The following DST variants were observed in gnomAD, a reference collection of about 807,000 sequenced individuals.
The protein encoded by DST is dystonin, also known as bullous pemphigoid antigen.
DST carries 253 observed loss-of-function variants against 875.2 expected under a neutral mutation model. The ratio of observed to expected loss-of-function variants is 0.29; its 90% confidence interval spans 0.26 to 0.32. The LOEUF (loss-of-function observed/expected upper bound fraction) is 0.32. Ranked by LOEUF, DST falls within the 10% of genes least tolerant of loss-of-function variation. The pLI is 1.00. For missense variants in DST, 8,287 were observed against 9,111.6 expected (o/e 0.91, Z 3.68); for synonymous variants, 3,124 against 3,197.1 (o/e 0.98, Z 0.77).
chr6:56,657,630 T>C (rs192435653), intron 10 of DST, among the ~76,000 whole-genome samples: 1 of 152,304 alleles, frequency 6.6e-6, no homozygotes, highest in Non-Finnish European at 1.5e-5. Context: ...TCAGTTACAC[T>C]GGATGAAAAG....
chr6:56,467,427 C>A (rs954234705), intron 98 of DST: 25 of 151,360 alleles, frequency 1.7e-4, no homozygotes, highest in African/African-American at 5.6e-4. Flanking sequence ...TTCCATCAAA[C>A]TTTTAAAAAC....
intron 4 of DST, among the ~76,000 whole-genome samples, chr6:56,802,643 TAGC>T (rs997910815): frequency 6.6e-6 from 1 of 152,202 alleles, no homozygotes; most frequent in Non-Finnish European, 1.5e-5. Flanking sequence ...TTATCTGATA[TAGC>T]ACAGTGCCCT....
At chr6:56,598,848 A>C in intron 45 of DST, 139 bp from the exon 46 acceptor site, 1 of 432,354 alleles carries the variant, frequency 2.3e-6, no homozygotes, top group Non-Finnish European at 4.0e-6. Flanking sequence ...GAGTATGTTA[A>C]TTTGAGTTTC....
intron 72 of DST, 64 bp from the exon 73 acceptor site, chr6:56,511,464 ACCTGCAATGCAT>A (rs2096474202): frequency 7.4e-7 from 1 of 1,359,402 alleles, no homozygotes; most frequent in African/African-American, 1.4e-5. Flanking sequence ...AGCTGTCTAC[ACCTGCAATGCAT>A]CCAGCTGGCA....
At chr6:56,524,180 T>C (rs1004762168) in intron 69 of DST, among the ~76,000 whole-genome samples, 2 of 152,168 alleles carry the variant, frequency 1.3e-5, no homozygotes, top group African/African-American at 4.8e-5. Flanking sequence ...TATTAGCTTC[T>C]TTATAAACTT....
intron 2 of DST, among the ~76,000 whole-genome samples, chr6:56,939,753 G>A (rs984133555): frequency 6.6e-6 from 1 of 152,004 alleles, no homozygotes; most frequent in Non-Finnish European, 1.5e-5. Context: ...AGCCGGGCGT[G>A]GTGGCTCACG....
rs764024157 is a variant in DST, at chr6:56,600,870, C to CT, written c.11541+572dup. On this transcript the variant is annotated intron_variant, in intron 44 of 103. Transcript: ENST00000680361. ...ATCTTATAGCCATAGATCACGTTTA[C>CT]TAAGAGCCTAACACATGCTAGGCAA... Among the ~76,000 whole-genome samples the CT allele has an allele frequency of 1.8e-3, 280 of 152,174 alleles. 5 individuals carry two copies. Among genetic ancestry groups the CT allele is most frequent in the Non-Finnish European group, 9.9e-4 (67 of 67,936 alleles).
At chr6:56,493,548 A>C (rs1258106546) in intron 83 of DST, among the ~76,000 whole-genome samples, 1 of 152,138 alleles carries the variant, frequency 6.6e-6, no homozygotes, top group Non-Finnish European at 1.5e-5. Context: ...GGTTTTAAAA[A>C]AGTAACAAAG....
intron 102 of DST, chr6:56,461,533 T>G (rs1343794163): frequency 1.3e-5 from 2 of 152,198 alleles, no homozygotes; most frequent in Non-Finnish European, 2.9e-5. Context: ...AAGACCAAAA[T>G]CATTCTTCTC....
chr6:56,626,621 A>G (rs905485287), intron 34 of DST, among the ~76,000 whole-genome samples: 2 of 152,186 alleles, frequency 1.3e-5, no homozygotes, highest in Admixed American at 6.5e-5. Flanking sequence ...TAAACAACAC[A>G]TGACTGTAGA....
At chr6:56,839,254 G>A (rs2099797174) in intron 4 of DST, among the ~76,000 whole-genome samples, 1 of 152,058 alleles carries the variant, frequency 6.6e-6, no homozygotes. Flanking sequence ...GGCAAATGGG[G>A]GTACCCTACA....
At chr6:56,934,215 ACT>A in intron 2 of DST, among the ~76,000 whole-genome samples, 1 of 151,850 alleles carries the variant, frequency 6.6e-6, no homozygotes, top group Non-Finnish European at 1.5e-5. Context: ...AAACAGGGAC[ACT>A]TTTTAAGATG....
At chr6:56,669,201 G>A (rs1253081125) in intron 10 of DST, among the ~76,000 whole-genome samples, 7 of 141,702 alleles carry the variant, frequency 4.9e-5, no homozygotes, top group Non-Finnish European at 7.5e-5. Context: ...TGACTTTATA[G>A]TTTATATATA....
In DST at chr6:56,907,746, G is replaced by A. The variant is rs1452423391; in HGVS notation, c.217-7125C>T. Among the ~76,000 whole-genome samples the A allele has an allele frequency of 4.0e-5, 6 of 151,844 alleles. 1 individual carries two copies. The highest frequency in any genetic ancestry group is 1.4e-4 in the African/African-American group (6 of 41,464). On this transcript the variant is annotated intron_variant, in intron 2 of 103. Transcript: ENST00000680361. The stretch of plus-strand genomic sequence containing the variant: ...ATTAACAATTTAGATGAATGAGGCA[G>A]AAATTGGAAAAAAAAATAACATTTT...
intron 4 of DST, among the ~76,000 whole-genome samples, chr6:56,812,805 C>T (rs1222517898): frequency 1.3e-5 from 2 of 152,148 alleles, no homozygotes; most frequent in Non-Finnish European, 2.9e-5. Context: ...ACTTGTTCAA[C>T]CATTGTGGAA....
intron 9 of DST, among the ~76,000 whole-genome samples, chr6:56,688,049 C>T (rs968247395): frequency 1.3e-5 from 2 of 152,122 alleles, no homozygotes; most frequent in African/African-American, 4.8e-5. Context: ...TGTGCATGTC[C>T]TTCATTTAAC....
chr6:56,887,971 A>G (rs1186491747), intron 3 of DST, among the ~76,000 whole-genome samples: 1 of 135,458 alleles, frequency 7.4e-6, no homozygotes, highest in Admixed American at 7.5e-5. Context: ...TTTTTTTTTG[A>G]GATGGAGTCT....
chr6:56,640,297 C>T lies in DST; in HGVS notation c.2336G>A (p.Ser779Asn). The stretch of plus-strand genomic sequence containing the variant: ...CAATGAATTTGGCTCTACTCCTGAA[C>T]TGAAATTTGGAACTAATCCTGATGG... Reference protein sequence around the residue: ...GFPSGLVPNFSSGVEPNSLQT... With the variant: ...GFPSGLVPNFNSGVEPNSLQT... Residue 779 changes from serine (S) to asparagine (N), a missense_variant, in exon 18 of 104, where the codon AGT becomes AAT. Around this residue, in one of 10 missense-constraint regions of DST, gnomAD observed 1,160 missense variants for 1,424.3 expected, o/e 0.81. Coordinates refer to ENST00000680361, the MANE Select transcript of DST (RefSeq NM_001374736.1). The T allele has an allele frequency of 6.2e-7, 1 of 1,614,144 alleles. No homozygotes were observed. The highest frequency in any genetic ancestry group is 8.5e-7 in the Non-Finnish European group (1 of 1,180,030).
intron 3 of DST, among the ~76,000 whole-genome samples, chr6:56,865,874 T>C (rs867131724): frequency 1.4e-4 from 22 of 152,212 alleles, no homozygotes; most frequent in African/African-American, 5.1e-4. Context: ...TTGAGTTTTA[T>C]CATCTTCTAA....
Sources: allele counts gnomAD v4.1 joint callset (sites outside exome capture counted in the v4.1 genomes callset), GRCh38; gene constraint gnomAD v4.1.1; regional missense constraint gnomAD v4.1.1; transcripts MANE v1.5; gene names NCBI Gene and HGNC (gene_info 2026-07-23, HGNC 2026-07-21).